Variants in DUSP22 observed in about 807,000 individuals in gnomAD.
DUSP22 encodes the protein dual specificity phosphatase 22.
A neutral mutation model predicts 24.5 loss-of-function variants in DUSP22; 24 were observed. The ratio of observed to expected loss-of-function variants is 0.98; its 90% CI spans 0.71 to 1.38. The LOEUF (loss-of-function observed/expected upper bound fraction) is 1.38. Ranked by LOEUF, DUSP22 falls within the 40% of genes most tolerant of loss-of-function variation. The probability of loss-of-function intolerance (pLI) is 0.00; values close to 1 mark genes in which losing one functional copy is unlikely to be tolerated. For synonymous variants in DUSP22, 160 were observed against 106.4 expected, an observed-to-expected ratio of 1.50 and a Z score of -3.10; for missense variants, 330 against 269.2, an observed-to-expected ratio of 1.23 and a Z score of -1.58.
chr6:300,904 G>A (rs1581143811), intron 1 of DUSP22, among the ~76,000 whole-genome samples: 1 of 152,304 alleles, frequency 6.6e-6, no homozygotes, highest in Admixed American at 6.5e-5. Context: ...AGCAGATGCT[G>A]TAAGTGGTCA....
chr6:339,031 C>G (rs1581186210), intron 4 of DUSP22, among the ~76,000 whole-genome samples: 1 of 152,424 alleles, frequency 6.6e-6, no homozygotes, highest in South Asian at 2.1e-4. Flanking sequence ...CAGCTCAGTT[C>G]CCCAACCAGC....
intron 1 of DUSP22, among the ~76,000 whole-genome samples, chr6:295,125 A>G (rs1043038455): frequency 1.3e-5 from 2 of 152,300 alleles, no homozygotes; most frequent in Non-Finnish European, 2.9e-5. Flanking sequence ...GGAAGGTGCT[A>G]CCCCTAGAAA....
chr6:349,108 C>T lies in DUSP22; in HGVS notation c.*157C>T. On this transcript the variant is annotated 3_prime_UTR_variant, in exon 7 of 7. Coordinates refer to ENST00000419235, the MANE Select transcript of DUSP22 (RefSeq NM_001286555.3). ...CCCCAAGCAACACCGCCCAGCCCTG[C>T]TCCAGGCCCCTGCACTCCGCCCACC... The T allele has an allele frequency of 6.9e-6, 10 of 1,449,308 alleles. No individual in the cohort carries two copies. Among genetic ancestry groups the T allele is most frequent in the Non-Finnish European group, 8.1e-6 (9 of 1,107,698 alleles). The allele number at this position is 1,449,308 out of a possible 1,614,324, so 89.8% of individuals were successfully genotyped here.
chr6:322,340 C>G (rs1758635463), intron 3 of DUSP22, among the ~76,000 whole-genome samples: 1 of 152,300 alleles, frequency 6.6e-6, no homozygotes, highest in African/African-American at 2.4e-5. Context: ...CTTTGTTACT[C>G]CTGTAACCCC....
In DUSP22 at chr6:311,887, A is replaced by C. The variant is rs1758119984; in HGVS notation, c.63A>C (p.Arg21Ser). The change falls in exon 3 of 7, where the codon AGA (arginine) becomes AGC (serine). Residue 21 changes from arginine (R) to serine (S), a missense_variant. Coordinates refer to ENST00000419235, the MANE Select transcript of DUSP22 (RefSeq NM_001286555.3). ...GLYIGNFKDA[R>S]DAEQLSKNKV... ...CCCTTTCTTCTCTGACAGATGCCAG[A>C]GACGCGGAACAATTGAGCAAGAACA... 1 of 1,612,384 alleles carries C rather than the reference A, an allele frequency of 6.2e-7. No homozygotes were observed. The highest frequency in any genetic ancestry group is 8.5e-7 in the Non-Finnish European group (1 of 1,178,964).
intron 3 of DUSP22, among the ~76,000 whole-genome samples, chr6:318,989 G>A (rs112362236): frequency 0.025 from 3,845 of 151,048 alleles, 2 homozygotes; most frequent in African/African-American, 0.063. Context: ...TAAAGTCAAT[G>A]GTGTATTTCT....
intron 1 of DUSP22, among the ~76,000 whole-genome samples, chr6:295,519 A>G (rs61131037): frequency 2.0e-3 from 312 of 152,294 alleles, no homozygotes; most frequent in African/African-American, 7.2e-3. Context: ...TCGTGCCTGT[A>G]ATCACAGCAC....
intron 4 of DUSP22, among the ~76,000 whole-genome samples, chr6:338,362 T>G (rs1759454456): frequency 1.3e-5 from 2 of 152,306 alleles, no homozygotes; most frequent in South Asian, 4.1e-4. Context: ...GAAGGCATAG[T>G]GTACTTTTTA....
intron 5 of DUSP22, among the ~76,000 whole-genome samples, chr6:346,341 TG>T (rs1759870415): frequency 6.6e-6 from 1 of 152,304 alleles, no homozygotes; most frequent in African/African-American, 2.4e-5. Flanking sequence ...TGATTGCAAA[TG>T]TGGATTTTCA....
intron 4 of DUSP22, among the ~76,000 whole-genome samples, chr6:344,409 C>G (rs1759759931): frequency 6.6e-6 from 1 of 152,306 alleles, no homozygotes; most frequent in African/African-American, 2.4e-5. Flanking sequence ...CCTCGGCCTC[C>G]CAAGTACCCG....
At chr6:338,724 T>C (rs1329770934) in intron 4 of DUSP22, among the ~76,000 whole-genome samples, 3 of 152,304 alleles carry the variant, frequency 2.0e-5, no homozygotes, top group African/African-American at 7.2e-5. Context: ...GCTCATTGTT[T>C]TAAACTTAAG....
intron 3 of DUSP22, among the ~76,000 whole-genome samples, chr6:328,247 A>T (rs1188353019): frequency 1.3e-5 from 2 of 152,304 alleles, no homozygotes; most frequent in African/African-American, 4.8e-5. Flanking sequence ...AATTGTGTAC[A>T]TCAGCAAGTC....
At chr6:292,941 GC>G (rs35135481) in intron 1 of DUSP22, among the ~76,000 whole-genome samples, 509 of 151,976 alleles carry the variant, frequency 3.3e-3, no homozygotes, top group African/African-American at 0.012. Flanking sequence ...AGCCACCACC[GC>G]CCCCCCCACA....
chr6:350,220 A>G lies in DUSP22; in HGVS notation c.*1269A>G. 3 of 988,374 alleles carry G rather than the reference A, an allele frequency of 3.0e-6. No individual in the cohort carries two copies. Among genetic ancestry groups the G allele is most frequent in the Non-Finnish European group, 3.6e-6 (3 of 831,972 alleles). 61.2% of individuals were successfully genotyped at this position (988,374 alleles called of 1,614,324 possible). On this transcript the variant is annotated 3_prime_UTR_variant, in exon 7 of 7. Transcript: ENST00000419235. ...GTACCGATATCATTGAGCTATTTAA[A>G]GTTGCCAGTTTGGGCTCCAGTAATG...
intron 4 of DUSP22, among the ~76,000 whole-genome samples, chr6:339,416 C>T (rs563787372): frequency 1.2e-4 from 18 of 152,414 alleles, no homozygotes; most frequent in African/African-American, 3.1e-4. Flanking sequence ...TCTGTCTATT[C>T]AAGTAAAGAG....
chr6:345,344 G>C (rs1002687502), intron 4 of DUSP22, among the ~76,000 whole-genome samples: 3 of 152,278 alleles, frequency 2.0e-5, no homozygotes, highest in East Asian at 1.9e-4. Flanking sequence ...CTGGTAGCTG[G>C]GATTACAGGT....
chr6:309,946 G>T (rs1757996727), intron 2 of DUSP22, among the ~76,000 whole-genome samples: 1 of 152,286 alleles, frequency 6.6e-6, no homozygotes, highest in Non-Finnish European at 1.5e-5. Context: ...TTTCTTTGTT[G>T]TTGTTGTTGT....
chr6:334,169 A>T (rs1281181429), intron 3 of DUSP22, among the ~76,000 whole-genome samples: 8 of 152,296 alleles, frequency 5.3e-5, no homozygotes, highest in Non-Finnish European at 1.2e-4. Context: ...TTATTCTCCA[A>T]GGTTGGCTAC....
intron 2 of DUSP22, among the ~76,000 whole-genome samples, chr6:311,503 AC>A (rs1420937290): frequency 6.6e-6 from 1 of 152,278 alleles, no homozygotes; most frequent in African/African-American, 2.4e-5. Flanking sequence ...ACACGGTGAA[AC>A]CCCGTCTCTC....
Sources: gnomAD v4.1 joint callset for allele counts (sites outside exome capture counted in the v4.1 genomes callset) on GRCh38, gnomAD v4.1.1 for gene constraint, MANE v1.5 for transcripts, NCBI Gene and HGNC (gene_info 2026-07-23, HGNC 2026-07-21) for gene names.